PCSK6: variants seen among roughly 807,000 people sequenced by gnomAD.
PCSK6 encodes the protein paired basic amino acid cleaving enzyme 4.
PCSK6 carries 85 observed loss-of-function variants against 123.3 expected under a neutral mutation model. The observed-to-expected ratio is 0.69, with a 90% CI of 0.58 to 0.83. The LOEUF (loss-of-function observed/expected upper bound fraction) is 0.83. Among genes scored for constraint, PCSK6 ranks in the 40% least tolerant of loss-of-function variants. PCSK6 has a pLI of 0.00. For missense variants in PCSK6, 1,191 were observed against 1,282.3 expected (o/e 0.93, Z 1.09); for synonymous variants, 508 against 516.0 (o/e 0.98, Z 0.21).
chr15:101,378,936 T>C (rs1323681619), intron 11 of PCSK6, among the ~76,000 whole-genome samples: 1 of 152,250 alleles, frequency 6.6e-6, no homozygotes, highest in Non-Finnish European at 1.5e-5. Flanking sequence ...AGCTCCTTCC[T>C]CTGCAGCCCG....
chr15:101,477,700 C>G (rs2057767932), intron 1 of PCSK6, among the ~76,000 whole-genome samples: 1 of 152,214 alleles, frequency 6.6e-6, no homozygotes, highest in Non-Finnish European at 1.5e-5. Context: ...AGTCTTATAA[C>G]CAGGCCATGC....
intron 5 of PCSK6, 150 bp downstream of exon 5, chr15:101,429,837 G>A (rs2056386543): frequency 3.0e-6 from 2 of 665,828 alleles, no homozygotes; most frequent in Admixed American, 4.7e-5. Context: ...TGCCTGGCAT[G>A]GCCTGTGACT....
intron 6 of PCSK6, among the ~76,000 whole-genome samples, chr15:101,424,075 G>GTT (rs918154502): frequency 1.1e-4 from 16 of 151,536 alleles, no homozygotes; most frequent in African/African-American, 2.7e-4. Context: ...AAAGGTGTGT[G>GTT]TTTTTTTTAA....
At chr15:101,454,969 A>G (rs2057138637) in intron 1 of PCSK6, among the ~76,000 whole-genome samples, 1 of 151,976 alleles carries the variant, frequency 6.6e-6, no homozygotes, top group African/African-American at 2.4e-5. Context: ...TGAATGAATG[A>G]ATGAATGAAT....
At chr15:101,334,890 T>C (rs1400747681) in intron 13 of PCSK6, among the ~76,000 whole-genome samples, 3 of 152,210 alleles carry the variant, frequency 2.0e-5, no homozygotes, top group Non-Finnish European at 4.4e-5. Context: ...GGGAGGAGGC[T>C]GGACTGGAAT....
At chr15:101,328,491 G>A (rs1441153769) in intron 15 of PCSK6, among the ~76,000 whole-genome samples, 1 of 152,170 alleles carries the variant, frequency 6.6e-6, no homozygotes, top group African/African-American at 2.4e-5. Context: ...AACAGGGAAA[G>A]TGCAGATGTC....
At chr15:101,483,712 G>A (rs1039416829) in intron 1 of PCSK6, among the ~76,000 whole-genome samples, 4 of 152,366 alleles carry the variant, frequency 2.6e-5, no homozygotes, top group East Asian at 1.9e-4. Flanking sequence ...AGGTTAGAGC[G>A]AGGGTGACTG....
intron 9 of PCSK6, among the ~76,000 whole-genome samples, chr15:101,386,876 A>G (rs962203641): frequency 1.3e-5 from 2 of 151,816 alleles, no homozygotes; most frequent in African/African-American, 4.8e-5. Flanking sequence ...TCGTCTGGGG[A>G]GTCTGTTTAA....
At chr15:101,446,054 C>G (rs2056881075) in intron 1 of PCSK6, among the ~76,000 whole-genome samples, 2 of 152,388 alleles carry the variant, frequency 1.3e-5, no homozygotes, top group South Asian at 4.1e-4. Context: ...AAGGCACAGA[C>G]AGTCCCCAGA....
intron 2 of PCSK6, among the ~76,000 whole-genome samples, chr15:101,435,305 T>C (rs1424564235): frequency 1.7e-5 from 2 of 120,332 alleles, no homozygotes; most frequent in Non-Finnish European, 3.4e-5. Context: ...AGTGAGACTC[T>C]GTCTCAAAAA....
intron 6 of PCSK6, among the ~76,000 whole-genome samples, chr15:101,412,823 C>G (rs971182241): frequency 6.6e-6 from 1 of 151,232 alleles, no homozygotes; most frequent in Non-Finnish European, 1.5e-5. Context: ...CTAGAGTGGA[C>G]AGGAGGAGAG....
intron 2 of PCSK6, among the ~76,000 whole-genome samples, chr15:101,436,621 G>A (rs1285677481): frequency 6.6e-5 from 10 of 152,182 alleles, no homozygotes; most frequent in Non-Finnish European, 1.5e-4. Context: ...AGAACAATCA[G>A]GGCACCGTAG....
rs542746083 is a variant in PCSK6 at position 101,400,843 on chromosome 15, G to T, written c.824-2267C>A. ...TCCAACCTAAAAGGAATTTGAAGAT[G>T]ATTTCGCTGCAGTAAATTCTTCCAT... On this transcript the variant is annotated intron_variant, in intron 6 of 21. Transcript: ENST00000611716. 8.8e-4 allele frequency among the ~76,000 whole-genome samples: 134 copies of T among 152,364 alleles called. 2 individuals carry two copies. In the Middle Eastern group the frequency reaches 0.01, roughly 12 times the overall value.
chr15:101,409,584 C>CAA (rs10666147), intron 6 of PCSK6, among the ~76,000 whole-genome samples: 8,100 of 121,664 alleles, frequency 0.067, 336 homozygotes, highest in Non-Finnish European at 0.077. Context: ...GACTCCGTCT[C>CAA]AAAAAAAAAA....
In PCSK6 at chr15:101,392,089, C is replaced by T. The variant is rs536473067; in HGVS notation, c.1209+1123G>A. Among the ~76,000 whole-genome samples the T allele has an allele frequency of 3.9e-5, 6 of 152,342 alleles. No homozygotes were observed. In the South Asian group the frequency reaches 1.2e-3, roughly 32 times the overall value. On this transcript the variant is annotated intron_variant, in intron 8 of 21. Transcript: ENST00000611716. The stretch of plus-strand genomic sequence containing the variant: ...GTCCATGTTATAAACTGTCCCATAA[C>T]TTAGCAAATTCGAACCTGCATCCAT...
At chr15:101,366,089 A>T (rs1226751334) in intron 13 of PCSK6, 107 bp downstream of exon 13, 59 of 1,240,708 alleles carry the variant, frequency 4.8e-5, no homozygotes, top group Non-Finnish European at 5.3e-5. Context: ...TCTACCTCTA[A>T]AACACAAAAC....
rs114782725 is a variant in PCSK6, at chr15:101,332,553, G to A, written c.1859-522C>T. Among the ~76,000 whole-genome samples, 1,020 of 152,316 alleles carry A rather than the reference G, an allele frequency of 6.7e-3. 10 individuals carry two copies. Among genetic ancestry groups the A allele is most frequent in the African/African-American group, 0.024 (978 of 41,562 alleles). On this transcript the variant is annotated intron_variant, in intron 13 of 21. Transcript: ENST00000611716. ...AGATCATGGGAAGACTCAGTCTTGG[G>A]CTCTCTCCTCCACAGCTAGCCCAGG...
intron 12 of PCSK6, among the ~76,000 whole-genome samples, chr15:101,368,469 G>A (rs1445875781): frequency 3.3e-5 from 5 of 152,182 alleles, no homozygotes; most frequent in Non-Finnish European, 7.3e-5. Flanking sequence ...ATAAAGAGAG[G>A]CAAAGGGACT....
chr15:101,481,666 G>A (rs766578671), intron 1 of PCSK6, among the ~76,000 whole-genome samples: 2 of 152,120 alleles, frequency 1.3e-5, no homozygotes, highest in Admixed American at 6.5e-5. Context: ...GGGGGAGCAC[G>A]GGAGCAGGAG....
Sources: gnomAD v4.1 joint callset for allele counts (sites outside exome capture counted in the v4.1 genomes callset) on GRCh38, gnomAD v4.1.1 for gene constraint, MANE v1.5 for transcripts, NCBI Gene and HGNC (gene_info 2026-07-23, HGNC 2026-07-21) for gene names.